Variants in TFEC observed in about 807,000 individuals in gnomAD.
TFEC encodes the protein transcription factor EC, also known as class E basic helix-loop-helix protein 34.
TFEC carries 31 observed loss-of-function variants against 41.6 expected under a neutral mutation model. The observed-to-expected ratio is 0.74, with a 90% CI of 0.56 to 1.01. The LOEUF (loss-of-function observed/expected upper bound fraction) is 1.01, where lower values mean the gene tolerates loss of function less well. Ranked by LOEUF, TFEC falls within the 50% of genes least tolerant of loss-of-function variation. The pLI is 0.00. For missense variants in TFEC, 402 were observed against 404.1 expected (o/e 0.99, Z 0.04); for synonymous variants, 143 against 140.6 (o/e 1.02, Z -0.12).
chr7:116,019,366 A>C (rs1159741898), intron 1 of TFEC, among the ~76,000 whole-genome samples: 1 of 152,130 alleles, frequency 6.6e-6, no homozygotes, highest in Admixed American at 6.6e-5. Context: ...TTGTCTACCA[A>C]CCATACTTCC....
intron 3 of TFEC, among the ~76,000 whole-genome samples, chr7:115,965,805 G>A (rs1313069057): frequency 6.6e-6 from 1 of 151,512 alleles, no homozygotes; most frequent in African/African-American, 2.4e-5. Context: ...ACAAATACAG[G>A]ACAACATAAA....
chr7:115,993,768 T>C (rs552000970), intron 1 of TFEC, among the ~76,000 whole-genome samples: 9 of 152,240 alleles, frequency 5.9e-5, no homozygotes, highest in Admixed American at 3.9e-4. Context: ...ATCGTGAAAA[T>C]GGCCATACTG....
chr7:116,148,152 A>C (rs1798682423), intron 1 of TFEC, among the ~76,000 whole-genome samples: 1 of 152,174 alleles, frequency 6.6e-6, no homozygotes. Flanking sequence ...AATAGACAGT[A>C]CAAAGCCCTG....
chr7:116,039,100 A>G (rs1180340806), intron 3 of TFEC, among the ~76,000 whole-genome samples: 1 of 147,378 alleles, frequency 6.8e-6, no homozygotes, highest in Non-Finnish European at 1.5e-5. Flanking sequence ...CAACCCAATT[A>G]TATGCTAAGT....
chr7:116,005,456 G>A (rs1418841902), intron 1 of TFEC, among the ~76,000 whole-genome samples: 1 of 152,186 alleles, frequency 6.6e-6, no homozygotes, highest in African/African-American at 2.4e-5. Context: ...TTAGCAAAGA[G>A]ACTGGCAGCA....
At chr7:115,947,358 T>C (rs1562879969) in intron 6 of TFEC, among the ~76,000 whole-genome samples, 1 of 151,424 alleles carries the variant, frequency 6.6e-6, no homozygotes, top group East Asian at 2.0e-4. Context: ...TTTGCTATTG[T>C]GAATAATGCT....
At chr7:116,063,296 G>C (rs1211748201) in intron 3 of TFEC, among the ~76,000 whole-genome samples, 1 of 152,098 alleles carries the variant, frequency 6.6e-6, no homozygotes, top group Non-Finnish European at 1.5e-5. Context: ...AAAGGTTCAG[G>C]AAAAAAGGTT....
intron 1 of TFEC, among the ~76,000 whole-genome samples, chr7:116,128,361 AG>A (rs1027208237): frequency 4.6e-5 from 7 of 152,158 alleles, no homozygotes; most frequent in Non-Finnish European, 8.8e-5. Context: ...TTTTATACCT[AG>A]CTAAGCTGAC....
chr7:115,952,725 A>G (rs1792012812), intron 5 of TFEC, among the ~76,000 whole-genome samples: 1 of 152,118 alleles, frequency 6.6e-6, no homozygotes. Flanking sequence ...AGAAATTACT[A>G]AACTACTTCA....
chr7:116,058,385 T>C (rs970911773), intron 3 of TFEC, among the ~76,000 whole-genome samples: 3 of 151,656 alleles, frequency 2.0e-5, no homozygotes, highest in Admixed American at 6.6e-5. Flanking sequence ...AAGCACAAAC[T>C]ATATAGAATC....
At chr7:116,092,061 C>CATTAAAGTGT (rs1562966206) in intron 3 of TFEC, among the ~76,000 whole-genome samples, 1 of 152,076 alleles carries the variant, frequency 6.6e-6, no homozygotes, top group Non-Finnish European at 1.5e-5. Flanking sequence ...CACTGTCCGA[C>CATTAAAGTGT]CTTTGTCTCC....
intron 1 of TFEC, among the ~76,000 whole-genome samples, chr7:116,158,018 C>G (rs1257556487): frequency 6.6e-6 from 1 of 152,022 alleles, no homozygotes. Flanking sequence ...TATTTCGGAG[C>G]CACAATCTCC....
chr7:115,990,511 G>A (rs1317755805), intron 1 of TFEC, among the ~76,000 whole-genome samples: 2 of 152,158 alleles, frequency 1.3e-5, no homozygotes, highest in South Asian at 2.1e-4. Flanking sequence ...TGGCTAGCTA[G>A]AATGAACAGC....
chr7:115,962,748 G>A (rs1237055824), intron 3 of TFEC, among the ~76,000 whole-genome samples: 1 of 151,646 alleles, frequency 6.6e-6, no homozygotes, highest in Non-Finnish European at 1.5e-5. Context: ...CCTCACAGGG[G>A]GAGAAGCTAC....
chr7:115,946,396 CGTGTGTGT>C (rs3028673), intron 6 of TFEC, among the ~76,000 whole-genome samples: 399 of 123,144 alleles, frequency 3.2e-3, no homozygotes, highest in Non-Finnish European at 3.9e-3. Flanking sequence ...AGAAACATAA[CGTGTGTGT>C]GTGTGTGTGT....
chr7:116,046,653 C>A (rs1796172660), intron 3 of TFEC, among the ~76,000 whole-genome samples: 1 of 152,142 alleles, frequency 6.6e-6, no homozygotes, highest in Non-Finnish European at 1.5e-5. Context: ...AATAGTTAGG[C>A]ATATAGTGAT....
chr7:116,128,995 C>T (rs9641557), intron 1 of TFEC, among the ~76,000 whole-genome samples: 23,541 of 151,624 alleles, frequency 0.16, 1,967 homozygotes, highest in East Asian at 0.33. Flanking sequence ...ATCAACTAAA[C>T]GACACGAATT....
chr7:115,956,726 G>C lies in TFEC; in HGVS notation c.335C>G (p.Thr112Arg). 3 of 1,610,670 alleles carry C rather than the reference G, an allele frequency of 1.9e-6. No homozygotes were observed. The highest frequency in any genetic ancestry group is 2.5e-6 in the Non-Finnish European group (3 of 1,177,978). ...TAGACTACTTGGACAAGAAGCACTTGTAAGCCCCATGTTAATTGGTGAAAT... is the reference window on the plus strand; with the variant it reads ...TAGACTACTTGGACAAGAAGCACTTCTAAGCCCCATGTTAATTGGTGAAAT... ...QGISPINMGL[T>R]SASCPSSLPM... The change falls in exon 4 of 8, where the codon ACA becomes AGA. Residue 112 changes from threonine (T) to arginine (R), a missense_variant. Physicochemically the swap from Thr to Arg is moderately conservative, Grantham distance 71. Coordinates refer to ENST00000265440, the MANE Select transcript of TFEC (RefSeq NM_012252.4).
intron 3 of TFEC, among the ~76,000 whole-genome samples, chr7:116,065,055 T>C (rs530446835): frequency 6.6e-6 from 1 of 152,248 alleles, no homozygotes; most frequent in Non-Finnish European, 1.5e-5. Flanking sequence ...GCCCACCAGT[T>C]CTATTCTCCA....
Sources: allele counts gnomAD v4.1 joint callset (sites outside exome capture counted in the v4.1 genomes callset), GRCh38; gene constraint gnomAD v4.1.1; transcripts MANE v1.5; gene names NCBI Gene and HGNC (gene_info 2026-07-23, HGNC 2026-07-21).